Variants in CDKL3 observed in about 807,000 individuals in gnomAD.
CDKL3 encodes cyclin dependent kinase like 3, also known as cyclin-dependent kinase-like 3.
A neutral mutation model predicts 69.3 loss-of-function variants in CDKL3; 65 were observed. That is an observed-to-expected ratio of 0.94 (90% CI 0.77 to 1.15). CDKL3 has a LOEUF of 1.15. Ranked by LOEUF, CDKL3 falls within the 50% of genes most tolerant of loss-of-function variation. The pLI is 0.00. For synonymous variants in CDKL3, 202 were observed against 221.6 expected (o/e 0.91, Z 0.79); for missense variants, 652 against 689.2 (o/e 0.95, Z 0.61).
Position 134,366,965 on chromosome 5 carries a change from A to C in CDKL3, c.-22+12T>G. On this transcript the variant is annotated intron_variant, in intron 1 of 12. Transcript: ENST00000265334. ...GCCCGCAACTCAAACCACACGTCTT[A>C]GGATGCCGGACCGGCGTCACGCCCC... The C allele has an allele frequency of 2.0e-6, 2 of 989,910 alleles. No individual in the cohort carries two copies. The highest frequency in any genetic ancestry group is 2.4e-6 in the Non-Finnish European group (2 of 832,832). 61.3% of individuals were successfully genotyped at this position (989,910 alleles called of 1,614,324 possible). A position where few individuals can be genotyped will look rare whatever the true frequency, so the allele number is the denominator to read the frequency against.
chr5:134,366,494 C>T lies in CDKL3; in HGVS notation c.30G>A (p.Val10=). The change falls in exon 2 of 13, where the codon GTG becomes GTA. Residue 10 remains valine, a synonymous_variant. Coordinates refer to ENST00000265334, the MANE Select transcript of CDKL3 (RefSeq NM_001113575.2). The part of the protein sequence containing the change: MEMYETLGK[V]GEGSYGTVMK... ...TGACTGTTCCGTAACTTCCCTCTCC[C>T]ACTTTTCCAAGGGTTTCATACATCT... 2 of 1,608,078 alleles carry T rather than the reference C, an allele frequency of 1.2e-6. No homozygotes were observed. Among genetic ancestry groups the T allele is most frequent in the Non-Finnish European group, 1.7e-6 (2 of 1,177,444 alleles).
At chr5:134,366,667 A>G (rs1195459117) in intron 1 of CDKL3, 123 bp from the exon 2 acceptor site, 13 of 730,636 alleles carry the variant, frequency 1.8e-5, no homozygotes, top group South Asian at 1.5e-4. Flanking sequence ...TAAAAAAAAA[A>G]AAGGAATCTT....
intron 12 of CDKL3, chr5:134,299,728 T>G: frequency 6.5e-7 from 1 of 1,534,462 alleles, no homozygotes; most frequent in Non-Finnish European, 8.7e-7. Context: ...CTTCTTCCTT[T>G]CAGTTTGTGC....
At chr5:134,368,588 C>T (rs1757960963), upstream of CDKL3, among the ~76,000 whole-genome samples, 1 of 142,848 alleles carries the variant, frequency 7.0e-6, no homozygotes, top group African/African-American at 2.7e-5. Flanking sequence ...CACTACATTC[C>T]AGCCTGGGTG....
intron 10 of CDKL3, 79 bp downstream of exon 10, chr5:134,306,530 G>A: frequency 1.2e-6 from 1 of 837,634 alleles, no homozygotes; most frequent in Non-Finnish European, 2.0e-6. Flanking sequence ...AAAAGTATTA[G>A]AGCCCTAAAG....
intron 4 of CDKL3, among the ~76,000 whole-genome samples, chr5:134,324,351 CAAGT>C (rs1296066345): frequency 1.3e-5 from 2 of 152,192 alleles, no homozygotes; most frequent in African/African-American, 4.8e-5. Context: ...GGGATTTACC[CAAGT>C]GAGTAGAACA....
rs1561505826 is a variant in CDKL3, at chr5:134,304,670, CAATT to C, written c.1459-107_1459-104del. 3 of 779,484 alleles carry C rather than the reference CAATT, an allele frequency of 3.8e-6. No homozygotes were observed. In the African/African-American group the frequency reaches 5.3e-5, roughly 14 times the overall value. The allele number at this position is 779,484 out of a possible 1,614,324, so 48.3% of individuals were successfully genotyped here. The stretch of plus-strand genomic sequence containing the variant: ...TTTGGATGGTATAAGATAGACATAA[CAATT>C]AATTTAATAATTAAGAAGATTTAGA... On this transcript the variant is annotated intron_variant, in intron 10 of 12. Coordinates refer to ENST00000265334, the MANE Select transcript of CDKL3 (RefSeq NM_001113575.2).
At chr5:134,321,113 G>A (rs181353214) in intron 5 of CDKL3, among the ~76,000 whole-genome samples, 2,150 of 146,938 alleles carry the variant, frequency 0.015, 36 homozygotes, top group African/African-American at 0.049. Flanking sequence ...GGTTCAAGCA[G>A]TTCTCATGCC....
chr5:134,361,258 T>G (rs562630852), intron 2 of CDKL3, among the ~76,000 whole-genome samples: 244 of 145,528 alleles, frequency 1.7e-3, no homozygotes, highest in Middle Eastern at 3.7e-3. Context: ...TTTTTTTTTG[T>G]TTTTTTTTTT....
upstream of CDKL3, among the ~76,000 whole-genome samples, chr5:134,370,344 C>T (rs1242590378): frequency 6.6e-6 from 1 of 152,200 alleles, no homozygotes; most frequent in African/African-American, 2.4e-5. Flanking sequence ...ACCTCTGAAC[C>T]CCCTGGTGGT....
chr5:134,296,782 T>TACACACACACACACAC (rs36097045), downstream of CDKL3, among the ~76,000 whole-genome samples: 26 of 141,586 alleles, frequency 1.8e-4, no homozygotes, highest in African/African-American at 6.6e-4. Context: ...ACCCTGTCTC[T>TACACACACACACACAC]ACACACACAC....
intron 6 of CDKL3, among the ~76,000 whole-genome samples, chr5:134,318,560 A>G (rs1771820852): frequency 6.6e-6 from 1 of 152,050 alleles, no homozygotes; most frequent in Non-Finnish European, 1.5e-5. Context: ...ATTTTGGCTC[A>G]CTGCAACCTC....
intron 3 of CDKL3, among the ~76,000 whole-genome samples, chr5:134,351,709 C>G (rs1017919686): frequency 1.3e-5 from 2 of 152,172 alleles, no homozygotes; most frequent in South Asian, 4.1e-4. Context: ...ATCTTCCCAC[C>G]TCAGCCTTCC....
At chr5:134,359,010 G>C (rs374267701) in intron 3 of CDKL3, among the ~76,000 whole-genome samples, 104 of 152,222 alleles carry the variant, frequency 6.8e-4, no homozygotes, top group African/African-American at 2.4e-3. Flanking sequence ...ATCTGTGCCA[G>C]GTGCAGTAGC....
At chr5:134,357,045 T>C (rs529923874) in intron 3 of CDKL3, among the ~76,000 whole-genome samples, 1 of 152,334 alleles carries the variant, frequency 6.6e-6, no homozygotes, top group South Asian at 2.1e-4. Flanking sequence ...GTACCATCTG[T>C]CTAAGCCTAT....
At chr5:134,287,430 T>C (rs954343085) in intron 8 of CDKL3, among the ~76,000 whole-genome samples, 2 of 152,198 alleles carry the variant, frequency 1.3e-5, no homozygotes, top group Admixed American at 6.5e-5. Flanking sequence ...GGAAAGGTAA[T>C]GAGTGCCACA....
At chr5:134,319,255 G>A in intron 6 of CDKL3, 103 bp downstream of exon 6, 1 of 800,382 alleles carries the variant, frequency 1.2e-6, no homozygotes, top group Non-Finnish European at 1.8e-6. Context: ...CTCATGACCT[G>A]GGAGTCAGAG....
intron 7 of CDKL3, among the ~76,000 whole-genome samples, chr5:134,310,401 A>G (rs1371567559): frequency 6.6e-6 from 1 of 151,654 alleles, no homozygotes; most frequent in Non-Finnish European, 1.5e-5. Context: ...CGCGTTAGTC[A>G]GGATGGTCTT....
chr5:134,356,914 C>T (rs142790198), intron 3 of CDKL3, among the ~76,000 whole-genome samples: 8 of 151,764 alleles, frequency 5.3e-5, no homozygotes, highest in Non-Finnish European at 8.8e-5. Context: ...TTGGGAGTAT[C>T]GTATTACTGG....
Sources: gnomAD v4.1 joint callset for allele counts (sites outside exome capture counted in the v4.1 genomes callset) on GRCh38, gnomAD v4.1.1 for gene constraint, MANE v1.5 for transcripts, NCBI Gene and HGNC (gene_info 2026-07-23, HGNC 2026-07-21) for gene names.